GPC3: variants seen among roughly 807,000 people sequenced by gnomAD.
GPC3 encodes glypican-3.
In GPC3, 3 loss-of-function variants were observed where a neutral mutation model predicts 34.4. That is an observed-to-expected ratio of 0.09 (90% CI 0.04 to 0.23). The LOEUF (loss-of-function observed/expected upper bound fraction) is 0.23, where lower values mean the gene tolerates loss of function less well. GPC3 is among the 10% of genes least tolerant of loss of function. GPC3 has a pLI of 1.00. For synonymous variants in GPC3, 177 were observed against 174.0 expected (o/e 1.02, Z -0.13); for missense variants, 351 against 445.6 (o/e 0.79, Z 1.91).
chrX:133,864,911 T>C (rs920437469), intron 2 of GPC3, among the ~76,000 whole-genome samples: 7 of 112,762 alleles, frequency 6.2e-5, no homozygotes, highest in Non-Finnish European at 7.5e-5. Flanking sequence ...CCTAGTGTTT[T>C]ACACAGATTA....
chrX:133,581,593 A>G (rs746260966), intron 7 of GPC3, among the ~76,000 whole-genome samples: 1 of 112,342 alleles, frequency 8.9e-6, no homozygotes, highest in African/African-American at 3.2e-5. Context: ...CTTCATTATA[A>G]ATTTTATTTA....
At chrX:133,773,026 A>T (rs139678580) in intron 2 of GPC3, among the ~76,000 whole-genome samples, 2 of 111,256 alleles carry the variant, frequency 1.8e-5, no homozygotes, top group African/African-American at 6.5e-5. Context: ...GAAATTTCAC[A>T]TAACAAAAAG....
chrX:133,889,463 T>C (rs1203428096), intron 2 of GPC3, among the ~76,000 whole-genome samples: 7 of 112,032 alleles, frequency 6.2e-5, no homozygotes, highest in African/African-American at 2.3e-4. Flanking sequence ...CCGATAAATA[T>C]GTCATCTGTA....
intron 2 of GPC3, among the ~76,000 whole-genome samples, chrX:133,886,563 G>C (rs1197309270): frequency 9.0e-6 from 1 of 111,453 alleles, no homozygotes; most frequent in Non-Finnish European, 1.9e-5. Context: ...TATTCCTCCT[G>C]TCTAACTGAA....
At chrX:133,765,776 CA>C (rs1363138789) in intron 2 of GPC3, among the ~76,000 whole-genome samples, 1 of 111,656 alleles carries the variant, frequency 9.0e-6, no homozygotes, top group Non-Finnish European at 1.9e-5. Context: ...GCTTTACAGC[CA>C]AATCTTCAGT....
chrX:133,826,131 C>G (rs186302780), intron 2 of GPC3, among the ~76,000 whole-genome samples: 1 of 111,573 alleles, frequency 9.0e-6, no homozygotes, highest in Non-Finnish European at 1.9e-5. Context: ...ACAAAAGACA[C>G]GCAAAGAAAC....
rs1602581475 is a variant in GPC3, at chrX:133,985,591, A to G, written c.-142T>C. Reference sequence around the variant, plus strand: ...CCGCTGCAAAAGTTTCCTCGCAGCTACCTGGGCGCTGGGCGAGGGCGGGAA... The same window carrying G: ...CCGCTGCAAAAGTTTCCTCGCAGCTGCCTGGGCGCTGGGCGAGGGCGGGAA... On this transcript the variant is annotated 5_prime_UTR_variant, in exon 1 of 8. Coordinates refer to ENST00000370818, the MANE Select transcript of GPC3 (RefSeq NM_004484.4). 1 of 473,964 alleles carries G rather than the reference A, an allele frequency of 2.1e-6. No homozygotes were observed. The highest frequency in any genetic ancestry group is 3.2e-6 in the Non-Finnish European group (1 of 309,663). The allele number at this position is 473,964 out of a possible 1,213,427, so 39.1% of individuals were successfully genotyped here.
At chrX:133,811,974 A>C (rs947708940) in intron 2 of GPC3, among the ~76,000 whole-genome samples, 4 of 112,157 alleles carry the variant, frequency 3.6e-5, no homozygotes, top group African/African-American at 1.3e-4. Flanking sequence ...CAAATAAGGA[A>C]AGGAGATTTT....
At chrX:133,809,028 C>T (rs975494593) in intron 2 of GPC3, among the ~76,000 whole-genome samples, 2 of 111,857 alleles carry the variant, frequency 1.8e-5, no homozygotes, top group African/African-American at 6.5e-5. Flanking sequence ...GTTATAAGAT[C>T]AACGGTGTGG....
intron 2 of GPC3, among the ~76,000 whole-genome samples, chrX:133,920,172 A>G (rs933779106): frequency 9.1e-6 from 1 of 109,914 alleles, no homozygotes; most frequent in African/African-American, 3.3e-5. Flanking sequence ...AAAAAAAAAA[A>G]AGAAAAAGAA....
chrX:133,662,121 C>A (rs1169711005), intron 5 of GPC3, among the ~76,000 whole-genome samples: 2 of 111,584 alleles, frequency 1.8e-5, no homozygotes, highest in Admixed American at 9.5e-5. Context: ...TTATTGTGCT[C>A]TCAGTCCAGT....
At chrX:133,586,818 C>CT (rs1333327457) in intron 7 of GPC3, among the ~76,000 whole-genome samples, 1 of 111,363 alleles carries the variant, frequency 9.0e-6, no homozygotes, top group Non-Finnish European at 1.9e-5. Context: ...GAGATTCCTT[C>CT]TTTTTTTATT....
At chrX:133,759,457 C>CAATAATAG (rs1460717528) in intron 2 of GPC3, among the ~76,000 whole-genome samples, 1 of 111,793 alleles carries the variant, frequency 8.9e-6, no homozygotes, top group Non-Finnish European at 1.9e-5. Context: ...AATAGACCCA[C>CAATAATAG]ACAAATACAA....
chrX:133,860,927 C>T (rs1283636749), intron 2 of GPC3, among the ~76,000 whole-genome samples: 1 of 103,270 alleles, frequency 9.7e-6, no homozygotes, highest in Non-Finnish European at 2.0e-5. Context: ...CATGGCAAAA[C>T]TCTGTCTCTA....
At chrX:133,822,275 C>T (rs1217912670) in intron 2 of GPC3, among the ~76,000 whole-genome samples, 1 of 111,821 alleles carries the variant, frequency 8.9e-6, no homozygotes, top group East Asian at 2.8e-4. Flanking sequence ...GTCACAGTAT[C>T]ACAGTGCCTT....
At chrX:133,730,536 T>G (rs959602661) in intron 3 of GPC3, among the ~76,000 whole-genome samples, 6 of 111,968 alleles carry the variant, frequency 5.4e-5, no homozygotes, top group African/African-American at 1.9e-4. Flanking sequence ...TCAGGTAACC[T>G]GTAAAAACAC....
At chrX:133,791,247 G>A (rs2072156874) in intron 2 of GPC3, among the ~76,000 whole-genome samples, 1 of 111,409 alleles carries the variant, frequency 9.0e-6, no homozygotes, top group African/African-American at 3.3e-5. Context: ...TAATGCTGCA[G>A]CTTCCCCGGA....
intron 2 of GPC3, among the ~76,000 whole-genome samples, chrX:133,786,118 T>G (rs1464922909): frequency 8.9e-6 from 1 of 112,436 alleles, no homozygotes; most frequent in African/African-American, 3.2e-5. Flanking sequence ...TGAGGCTGGG[T>G]GCAGTGGCTC....
chrX:133,685,715 T>C (rs942985205), intron 5 of GPC3, among the ~76,000 whole-genome samples: 4 of 109,145 alleles, frequency 3.7e-5, no homozygotes, highest in Non-Finnish European at 7.6e-5. Context: ...AGTCTCAGAG[T>C]CATCATGAGA....
Sources: gnomAD v4.1 joint callset for allele counts (sites outside exome capture counted in the v4.1 genomes callset) on GRCh38, gnomAD v4.1.1 for gene constraint, MANE v1.5 for transcripts, NCBI Gene and HGNC (gene_info 2026-07-23, HGNC 2026-07-21) for gene names.